UNC80: variants seen among roughly 807,000 people sequenced by gnomAD.
UNC80 encodes protein unc-80 homolog.
In UNC80, 164 loss-of-function variants were observed where a neutral mutation model predicts 384.6. The observed-to-expected ratio is 0.43, with a 90% CI of 0.38 to 0.49. The LOEUF (loss-of-function observed/expected upper bound fraction) is 0.49, where lower values mean the gene tolerates loss of function less well. Ranked by LOEUF, UNC80 falls within the 20% of genes least tolerant of loss-of-function variation. The pLI, the probability that UNC80 is intolerant of heterozygous loss-of-function variation, is 0.00. For synonymous variants in UNC80, 1,486 were observed against 1,527.8 expected (o/e 0.97, Z 0.64); for missense variants, 3,330 against 4,143.0 (o/e 0.80, Z 5.39).
At chr2:209,815,532 A>G (rs2079671677) in intron 9 of UNC80, 141 bp downstream of exon 9, 2 of 811,572 alleles carry the variant, frequency 2.5e-6, no homozygotes, top group Non-Finnish European at 1.9e-6. Context: ...TAGATGTGAC[A>G]CTGACTTGCA....
At chr2:209,843,811 T>C (rs2081939967) in intron 21 of UNC80, among the ~76,000 whole-genome samples, 1 of 152,184 alleles carries the variant, frequency 6.6e-6, no homozygotes, top group Non-Finnish European at 1.5e-5. Flanking sequence ...TAGTGAACCA[T>C]ACAGTTAATT....
chr2:209,831,151 T>A (rs1305274909), intron 15 of UNC80, among the ~76,000 whole-genome samples: 1 of 151,966 alleles, frequency 6.6e-6, no homozygotes, highest in Non-Finnish European at 1.5e-5. Context: ...ACTCTAAGCC[T>A]AAAAATCTTT....
chr2:209,812,909 C>T (rs532492829), intron 7 of UNC80, among the ~76,000 whole-genome samples: 24 of 152,224 alleles, frequency 1.6e-4, no homozygotes, highest in African/African-American at 5.8e-4. Context: ...AATAGAATCC[C>T]AGGAACTTGA....
chr2:209,804,826 C>T (rs114092342), intron 7 of UNC80, among the ~76,000 whole-genome samples: 2,052 of 150,166 alleles, frequency 0.014, 37 homozygotes, highest in Non-Finnish European at 0.018. Context: ...AGTGTAGTGG[C>T]GCAATCTCGG....
At chr2:209,936,991 CTGAGGGTGG>C in intron 41 of UNC80, 58 bp downstream of exon 41, 1 of 1,205,110 alleles carries the variant, frequency 8.3e-7, no homozygotes, top group Non-Finnish European at 1.2e-6. Context: ...TCATGCCTAC[CTGAGGGTGG>C]CTCACAGTCA....
At chr2:209,907,495 A>G (rs2088381670) in intron 29 of UNC80, among the ~76,000 whole-genome samples, 1 of 152,150 alleles carries the variant, frequency 6.6e-6, no homozygotes, top group East Asian at 1.9e-4. Context: ...CAGCCTTTCC[A>G]ATAAAGTGAC....
chr2:209,941,800 G>A (rs2091650232), intron 44 of UNC80, among the ~76,000 whole-genome samples: 1 of 152,184 alleles, frequency 6.6e-6, no homozygotes, highest in South Asian at 2.1e-4. Flanking sequence ...CTGGTCAGGT[G>A]TGGTGGCTCA....
intron 28 of UNC80, among the ~76,000 whole-genome samples, chr2:209,902,104 A>G (rs2087484953): frequency 6.6e-6 from 1 of 152,190 alleles, no homozygotes; most frequent in Admixed American, 6.5e-5. Flanking sequence ...CAACATTAAC[A>G]GGAGTTTGGA....
chr2:209,863,003 T>C (rs2083452959), intron 22 of UNC80, among the ~76,000 whole-genome samples: 1 of 152,210 alleles, frequency 6.6e-6, no homozygotes, highest in Non-Finnish European at 1.5e-5. Context: ...AGTGCTTCTT[T>C]CAGGAGCTCT....
intron 47 of UNC80, among the ~76,000 whole-genome samples, chr2:209,953,865 C>A (rs377694955): frequency 3.0e-4 from 45 of 152,290 alleles, no homozygotes; most frequent in African/African-American, 1.1e-3. Context: ...ATTCCCCCGA[C>A]TAGATCACAT....
At chr2:209,921,783 A>ATGCC in intron 34 of UNC80, 97 bp downstream of exon 34, 1 of 1,304,756 alleles carries the variant, frequency 7.7e-7, no homozygotes. Flanking sequence ...ATGAGGTGAT[A>ATGCC]TGCCCCCTTC....
chr2:209,944,695 G>A (rs537968949), intron 45 of UNC80, among the ~76,000 whole-genome samples: 10 of 152,154 alleles, frequency 6.6e-5, no homozygotes, highest in East Asian at 1.9e-4. Flanking sequence ...CATACATTCC[G>A]CAAACATATT....
At chr2:209,936,738 G>C (rs757794074) in intron 40 of UNC80, 106 bp from the exon 41 acceptor site, 8 of 705,186 alleles carry the variant, frequency 1.1e-5, no homozygotes, top group Admixed American at 9.3e-5. Flanking sequence ...GATAATTCTC[G>C]TAAGAGGTTA....
intron 47 of UNC80, among the ~76,000 whole-genome samples, 179 bp from the exon 48 acceptor site, chr2:209,953,921 A>G (rs944223050): frequency 6.6e-6 from 1 of 152,184 alleles, no homozygotes; most frequent in African/African-American, 2.4e-5. Context: ...GTGGTTAGTG[A>G]ATTAATAATT....
intron 26 of UNC80, among the ~76,000 whole-genome samples, chr2:209,893,633 A>C (rs1320249376): frequency 6.6e-6 from 1 of 152,116 alleles, no homozygotes; most frequent in African/African-American, 2.4e-5. Context: ...ACTCATGCTC[A>C]CCCAAAGCAC....
intron 33 of UNC80, 56 bp from the exon 34 acceptor site, chr2:209,921,444 C>A: frequency 6.8e-7 from 1 of 1,478,920 alleles, no homozygotes; most frequent in South Asian, 1.4e-5. Flanking sequence ...ACTCTTTATG[C>A]CTGTGACCTT....
chr2:209,972,608 A>G (rs2092912682), intron 55 of UNC80, among the ~76,000 whole-genome samples: 1 of 152,244 alleles, frequency 6.6e-6, no homozygotes, highest in Admixed American at 6.5e-5. Context: ...AGAAAATGGT[A>G]TTCGTTGAAG....
At chr2:209,952,840 C>CA (rs918806354) in intron 47 of UNC80, among the ~76,000 whole-genome samples, 2 of 151,756 alleles carry the variant, frequency 1.3e-5, no homozygotes, top group African/African-American at 2.4e-5. Context: ...TTCAAGTTGC[C>CA]AAAAAAATAG....
At position 209,820,617 on chromosome 2, in the gene UNC80, G is replaced by A; in HGVS notation, c.2269G>A (p.Gly757Arg). 1.9e-6 allele frequency: 3 copies of A among 1,551,068 alleles called. No individual in the cohort carries two copies. The highest frequency in any genetic ancestry group is 2.6e-6 in the Non-Finnish European group (3 of 1,146,654). The change falls in exon 13 of 65, where the codon GGA becomes AGA. Residue 757 changes from glycine to arginine, a missense_variant. This residue lies in a region of UNC80 where 937 missense variants were observed against 1,026.8 expected (regional missense o/e 0.91). Transcript: ENST00000673920. ...GGDGGGGGGD[G>R]GGGGGGGGGP... ...AGATGGAGGAGGTGGAGGAGGTGAT[G>A]GAGGAGGAGGTGGAGGAGGTGGAGG...
Sources: gnomAD v4.1 joint callset for allele counts (sites outside exome capture counted in the v4.1 genomes callset) on GRCh38, gnomAD v4.1.1 for gene constraint, gnomAD v4.1.1 regional missense constraint, MANE v1.5 for transcripts, NCBI Gene and HGNC (gene_info 2026-07-23, HGNC 2026-07-21) for gene names.